The following CNOT2 variants were observed in gnomAD, a reference collection of about 807,000 sequenced individuals.
CNOT2 encodes the protein CCR4-NOT transcription complex subunit 2.
CNOT2 carries 7 observed loss-of-function variants against 72.1 expected under a neutral mutation model. The ratio of observed to expected loss-of-function variants is 0.10; its 90% CI spans 0.06 to 0.18. CNOT2 has a LOEUF of 0.18. CNOT2 is among the 10% of genes least tolerant of loss of function. The pLI, the probability that CNOT2 is intolerant of heterozygous loss-of-function variation, is 1.00. For missense variants in CNOT2, 345 were observed against 660.3 expected (o/e 0.52, Z 5.23); for synonymous variants, 196 against 225.6 (o/e 0.87, Z 1.17).
chr12:70,250,286 G>T (rs1274235884), intron 1 of CNOT2, among the ~76,000 whole-genome samples: 2 of 152,112 alleles, frequency 1.3e-5, no homozygotes, highest in African/African-American at 4.8e-5. Flanking sequence ...TATTTTAAAA[G>T]TTCTTTTTCT....
At chr12:70,254,980 CAAAAAA>C (rs34311334) in intron 1 of CNOT2, among the ~76,000 whole-genome samples, 35 of 110,826 alleles carry the variant, frequency 3.2e-4, no homozygotes, top group African/African-American at 5.8e-4. Context: ...GACTGCATCT[CAAAAAA>C]AAAAAAAAAA....
At chr12:70,328,636 A>T (rs188185132) in intron 4 of CNOT2, among the ~76,000 whole-genome samples, 203 of 151,926 alleles carry the variant, frequency 1.3e-3, no homozygotes, top group East Asian at 1.8e-3. Flanking sequence ...AACTCAGGAA[A>T]TATACATTTC....
chr12:70,346,132 T>C (rs776420913), intron 14 of CNOT2, 48 bp from the exon 15 acceptor site: 2 of 1,314,094 alleles, frequency 1.5e-6, no homozygotes, highest in Non-Finnish European at 2.2e-6. Flanking sequence ...ACATGTTTGA[T>C]GTAAGCCACA....
intron 2 of CNOT2, among the ~76,000 whole-genome samples, chr12:70,295,426 C>G (rs1872657654): frequency 6.6e-6 from 1 of 152,124 alleles, no homozygotes; most frequent in Non-Finnish European, 1.5e-5. Flanking sequence ...AAGTACATCC[C>G]GTTTTTTTCT....
Position 70,335,545 on chromosome 12 carries a change from G to T in CNOT2, c.757G>T (p.Ala253Ser). 6.2e-7 allele frequency: 1 copy of T among 1,610,908 alleles called. No individual in the cohort carries two copies. Among genetic ancestry groups the T allele is most frequent in the South Asian group, 1.1e-5 (1 of 90,996 alleles). The change falls in exon 8 of 16, where the codon GCT (alanine) becomes TCT (serine). Residue 253 changes from alanine to serine, a missense_variant. Physicochemically the swap from Ala to Ser is moderately conservative, Grantham distance 99. Around this residue, in one of 4 missense-constraint regions of CNOT2, gnomAD observed 128 missense variants for 233.0 expected, o/e 0.55. Coordinates refer to ENST00000229195, the MANE Select transcript of CNOT2 (RefSeq NM_014515.7). ...CCCAACTCCATTAATAAACCCCTTGGCTGGAAGAGCTCCTTATGGTAATTA... is the reference window on the plus strand; with the variant it reads ...CCCAACTCCATTAATAAACCCCTTGTCTGGAAGAGCTCCTTATGGTAATTA... ...GNPTPLINPLAGRAPYVGMVT... is the reference protein window; with the variant it reads ...GNPTPLINPLSGRAPYVGMVT...
intron 1 of CNOT2, among the ~76,000 whole-genome samples, chr12:70,274,511 C>T (rs570065585): frequency 3.0e-4 from 45 of 152,092 alleles, no homozygotes; most frequent in Admixed American, 1.4e-3. Flanking sequence ...ATGGTAATGA[C>T]TACCAAATTA....
chr12:70,347,034 A>G (rs534680178), intron 15 of CNOT2, among the ~76,000 whole-genome samples: 46 of 151,564 alleles, frequency 3.0e-4, no homozygotes, highest in African/African-American at 1.0e-3. Context: ...CACTCTATAT[A>G]TTATTCTCCA....
At chr12:70,312,290 TATCGCCGC>T (rs963616692) in intron 3 of CNOT2, among the ~76,000 whole-genome samples, 1 of 151,994 alleles carries the variant, frequency 6.6e-6, no homozygotes, top group African/African-American at 2.4e-5. Context: ...TTTTTGGTAG[TATCGCCGC>T]AGAAACGAAA....
intron 1 of CNOT2, among the ~76,000 whole-genome samples, chr12:70,254,055 G>A (rs1958291065): frequency 6.6e-6 from 1 of 151,902 alleles, no homozygotes; most frequent in Non-Finnish European, 1.5e-5. Context: ...TGGCTAGCAC[G>A]ATGAAACCCC....
intron 11 of CNOT2, among the ~76,000 whole-genome samples, chr12:70,341,754 A>G (rs1881535804): frequency 6.6e-6 from 1 of 152,180 alleles, no homozygotes; most frequent in African/African-American, 2.4e-5. Flanking sequence ...ATTTATTTAA[A>G]ATTTATTTAA....
At chr12:70,345,444 A>G (rs1176852226) in intron 14 of CNOT2, 1 of 152,132 alleles carries the variant, frequency 6.6e-6, no homozygotes, top group Non-Finnish European at 1.5e-5. Flanking sequence ...TTCATCTATC[A>G]CTGGCAGTTC....
chr12:70,292,830 G>T (rs983833948), intron 2 of CNOT2, among the ~76,000 whole-genome samples: 4 of 152,164 alleles, frequency 2.6e-5, no homozygotes, highest in Non-Finnish European at 5.9e-5. Flanking sequence ...TGCTAACTCA[G>T]TGATTATTGA....
chr12:70,280,096 A>C (rs1462878807), intron 2 of CNOT2, among the ~76,000 whole-genome samples: 1 of 152,202 alleles, frequency 6.6e-6, no homozygotes, highest in Non-Finnish European at 1.5e-5. Context: ...AATGTTCATC[A>C]CTAAAGTAAC....
chr12:70,258,758 T>C (rs1357389954), intron 1 of CNOT2, among the ~76,000 whole-genome samples: 1 of 152,232 alleles, frequency 6.6e-6, no homozygotes, highest in Non-Finnish European at 1.5e-5. Context: ...CCTTTCCCAC[T>C]GATTTCCCCT....
At chr12:70,263,481 C>G (rs1417318132) in intron 1 of CNOT2, among the ~76,000 whole-genome samples, 1 of 151,868 alleles carries the variant, frequency 6.6e-6, no homozygotes, top group African/African-American at 2.4e-5. Flanking sequence ...TGCTTTTGAG[C>G]CCCTCTTATT....
At chr12:70,282,386 T>C (rs916257379) in intron 2 of CNOT2, among the ~76,000 whole-genome samples, 3 of 152,206 alleles carry the variant, frequency 2.0e-5, no homozygotes, top group Non-Finnish European at 2.9e-5. Flanking sequence ...GAATATAGTA[T>C]GTCAGAGAAC....
chr12:70,336,661 C>T (rs1383235865), intron 8 of CNOT2: 1 of 151,862 alleles, frequency 6.6e-6, no homozygotes, highest in Non-Finnish European at 1.5e-5. Context: ...ATGATCTGCC[C>T]TGGAAGTTGA....
At chr12:70,267,465 A>G (rs1234100407) in intron 1 of CNOT2, among the ~76,000 whole-genome samples, 2 of 152,218 alleles carry the variant, frequency 1.3e-5, no homozygotes, top group Non-Finnish European at 2.9e-5. Flanking sequence ...GGGCCTTCAT[A>G]AATCCAGTAT....
chr12:70,332,568 TG>T, intron 6 of CNOT2, 198 bp from the exon 7 acceptor site: 1 of 768,938 alleles, frequency 1.3e-6, no homozygotes, highest in Non-Finnish European at 1.7e-6. Context: ...TAAAATGTTC[TG>T]GTTCTCATTT....
Sources: gnomAD v4.1 joint callset for allele counts (sites outside exome capture counted in the v4.1 genomes callset) on GRCh38, gnomAD v4.1.1 for gene constraint, gnomAD v4.1.1 regional missense constraint, MANE v1.5 for transcripts, NCBI Gene and HGNC (gene_info 2026-07-23, HGNC 2026-07-21) for gene names.